ZNF827: variants seen among roughly 807,000 people sequenced by gnomAD.
ZNF827 encodes zinc finger protein 827.
In ZNF827, 13 loss-of-function variants were observed where a neutral mutation model predicts 102.4. That is an observed-to-expected ratio of 0.13 (90% CI 0.08 to 0.20). The LOEUF is 0.20. Ranked by LOEUF, ZNF827 falls within the 10% of genes least tolerant of loss-of-function variation. The pLI, the probability that ZNF827 is intolerant of heterozygous loss-of-function variation, is 1.00. For synonymous variants in ZNF827, 523 were observed against 536.2 expected, an observed-to-expected ratio of 0.98 and a Z score of 0.34; for missense variants, 1,103 against 1,344.4, an observed-to-expected ratio of 0.82 and a Z score of 2.81.
intron 8 of ZNF827, among the ~76,000 whole-genome samples, chr4:145,807,040 A>G (rs1741518592): frequency 6.6e-6 from 1 of 152,244 alleles, no homozygotes; most frequent in South Asian, 2.1e-4. Context: ...GACTGTGATC[A>G]TAGTCGTATT....
At chr4:145,789,289 C>T (rs140757354) in intron 8 of ZNF827, among the ~76,000 whole-genome samples, 274 of 152,220 alleles carry the variant, frequency 1.8e-3, no homozygotes, top group African/African-American at 6.3e-3. Context: ...TGTGGTTAAG[C>T]TGAACATGAT....
intron 5 of ZNF827, among the ~76,000 whole-genome samples, chr4:145,867,150 C>A (rs1220930174): frequency 6.6e-6 from 1 of 152,228 alleles, no homozygotes; most frequent in Non-Finnish European, 1.5e-5. Flanking sequence ...ACTTCCAGTG[C>A]TTTCCTCAGA....
At chr4:145,846,368 C>T (rs1745940305) in intron 6 of ZNF827, among the ~76,000 whole-genome samples, 1 of 152,162 alleles carries the variant, frequency 6.6e-6, no homozygotes, top group African/African-American at 2.4e-5. Flanking sequence ...GTCCCAGCTA[C>T]TAGGGAGGCT....
intron 4 of ZNF827, among the ~76,000 whole-genome samples, chr4:145,874,343 T>G (rs975559281): frequency 6.6e-6 from 1 of 152,226 alleles, no homozygotes; most frequent in Non-Finnish European, 1.5e-5. Context: ...AATGTAAATA[T>G]AGCTAATGAC....
At chr4:145,834,229 C>G (rs1744577289) in intron 7 of ZNF827, among the ~76,000 whole-genome samples, 1 of 152,164 alleles carries the variant, frequency 6.6e-6, no homozygotes, top group South Asian at 2.1e-4. Context: ...GGCAAACGGT[C>G]TGAGGTGCCT....
chr4:145,902,856 C>T lies in ZNF827; in HGVS notation c.403G>A (p.Asp135Asn), dbSNP rs1015504924. Residue 135 changes from aspartate (D) to asparagine (N), a missense_variant, in exon 2 of 15, where the codon GAT (aspartate) becomes AAT (asparagine). By Grantham distance (23) the Asp-to-Asn change is conservative. Transcript: ENST00000508784. The surrounding 1 kb of genome is among the most constrained non-coding windows in gnomAD (Gnocchi z 4.3). ...CTGCCATTAGCCGTGGCTGCAGCAT[C>T]GAGTTTGAGGGAACCAGCCTCCAGC... ...RLLEAGSLKL[D>N]AAATANGRVE... The T allele has an allele frequency of 5.0e-6, 8 of 1,613,998 alleles. No homozygotes were observed. Among genetic ancestry groups the T allele is most frequent in the Admixed American group, 3.3e-5 (2 of 59,996 alleles).
intron 5 of ZNF827, among the ~76,000 whole-genome samples, chr4:145,864,420 C>CAAAAAAAA (rs34745619): frequency 1.6e-5 from 1 of 60,806 alleles, no homozygotes; most frequent in Non-Finnish European, 2.9e-5. Context: ...CTTGTCTCTA[C>CAAAAAAAA]AAAAAAAAAA....
At chr4:145,861,685 C>A (rs35879803) in intron 5 of ZNF827, among the ~76,000 whole-genome samples, 45,465 of 151,876 alleles carry the variant, frequency 0.3, 7,129 homozygotes, top group Non-Finnish European at 0.33. Context: ...CCCTTCAGCA[C>A]GCCCCCACCC....
At chr4:145,808,315 A>G (rs1250678872) in intron 8 of ZNF827, among the ~76,000 whole-genome samples, 6 of 151,948 alleles carry the variant, frequency 3.9e-5, no homozygotes, top group Middle Eastern at 3.2e-3. Flanking sequence ...CCACTCCCTC[A>G]TTATCCTGTT....
At chr4:145,778,277 G>C (rs1033912542) in intron 9 of ZNF827, among the ~76,000 whole-genome samples, 14 of 152,020 alleles carry the variant, frequency 9.2e-5, no homozygotes, top group Non-Finnish European at 1.9e-4. Flanking sequence ...GGGATTACAA[G>C]CGTGCACCAC....
rs949936007 is a variant in ZNF827, at chr4:145,870,748, T to C, written c.1748-270A>G. 3 of 350,678 alleles carry C rather than the reference T, an allele frequency of 8.6e-6. No homozygotes were observed. The Admixed American group carries it at 1.2e-4, about 15-fold the overall frequency. 21.7% of individuals were successfully genotyped at this position (350,678 alleles called of 1,614,324 possible). A position where few individuals can be genotyped will look rare whatever the true frequency, so the allele number is the denominator to read the frequency against. ...ACAAAGTTTCTGGGCATTTTCTCTT[T>C]GGTTTCCCTAGAAGTCTTGTTTCCT... On this transcript the variant is annotated intron_variant, in intron 4 of 14. Transcript: ENST00000508784.
Position 145,828,032 on chromosome 4 carries a change from C to T in ZNF827, c.2280-4507G>A, listed in dbSNP as rs138404368. Among the ~76,000 whole-genome samples, 6 of 152,336 alleles carry T rather than the reference C, an allele frequency of 3.9e-5. No homozygotes were observed. The East Asian group carries it at 1.2e-3, about 29-fold the overall frequency. On this transcript the variant is annotated intron_variant, in intron 7 of 14. Coordinates refer to ENST00000508784, the MANE Select transcript of ZNF827 (RefSeq NM_001306215.2). ...CGTTCATGCTGCTCAGTGACTGTCA[C>T]TGTTGGCAGCGGGCAGCGGAGAGGC...
intron 6 of ZNF827, 74 bp downstream of exon 6, chr4:145,849,248 T>C: frequency 1.5e-6 from 2 of 1,354,894 alleles, no homozygotes; most frequent in Non-Finnish European, 2.0e-6. Context: ...TTTTTTTTTT[T>C]AAAAAAAACT....
chr4:145,809,787 A>G (rs1420956413), intron 8 of ZNF827, among the ~76,000 whole-genome samples: 1 of 152,088 alleles, frequency 6.6e-6, no homozygotes, highest in Non-Finnish European at 1.5e-5. Context: ...CTATACCCCT[A>G]TGATTTCATC....
intron 7 of ZNF827, among the ~76,000 whole-genome samples, chr4:145,837,918 C>T (rs1443000840): frequency 6.6e-6 from 1 of 152,092 alleles, no homozygotes; most frequent in African/African-American, 2.4e-5. Context: ...GTTCCCACGC[C>T]GCCCCTAATC....
intron 13 of ZNF827, chr4:145,764,726 G>A: frequency 2.0e-6 from 1 of 504,258 alleles, no homozygotes; most frequent in Non-Finnish European, 3.6e-6. Flanking sequence ...TGCATGCTGG[G>A]TTGTTTCAAC....
chr4:145,916,037 G>A (rs1264537899), intron 1 of ZNF827, among the ~76,000 whole-genome samples: 7 of 152,328 alleles, frequency 4.6e-5, no homozygotes, highest in Admixed American at 2.6e-4. Flanking sequence ...TGGGGTGGGG[G>A]TTGGGCCGCC....
Position 145,844,045 on chromosome 4 carries a change from G to C in ZNF827, c.2279+1911C>G, listed in dbSNP as rs75189878. ...GAATCCTATGGCAGCAAATTAAAAT[G>C]AATATTTTTTTATGTTTAGTCTGCT... On this transcript the variant is annotated intron_variant, in intron 7 of 14. Transcript: ENST00000508784. Among the ~76,000 whole-genome samples the C allele has an allele frequency of 1.4e-3, 212 of 152,206 alleles. 1 individual carries two copies. Among genetic ancestry groups the C allele is most frequent in the African/African-American group, 5.0e-3 (206 of 41,522 alleles).
Position 145,765,795 on chromosome 4 carries a change from A to C in ZNF827, c.2861-57T>G. ...ATGAGATGAAAATCCTCAGAATTAT[A>C]GCAACTGAGGGTGACGAGTTGAGTC... is the stretch of plus-strand genomic sequence containing the variant. On this transcript the variant is annotated intron_variant, in intron 11 of 14. Transcript: ENST00000508784. The surrounding 1 kb of genome is among the most constrained non-coding windows in gnomAD (Gnocchi z 4.7). 2 of 1,550,994 alleles carry C rather than the reference A, an allele frequency of 1.3e-6. No individual in the cohort carries two copies. Among genetic ancestry groups the C allele is most frequent in the Non-Finnish European group, 1.8e-6 (2 of 1,138,704 alleles).
Sources: allele counts gnomAD v4.1 joint callset (sites outside exome capture counted in the v4.1 genomes callset), GRCh38; gene constraint gnomAD v4.1.1; non-coding constraint Gnocchi (gnomAD v3.1); transcripts MANE v1.5; gene names NCBI Gene and HGNC (gene_info 2026-07-23, HGNC 2026-07-21).